The following SORCS3 variants were observed in gnomAD, a reference collection of about 807,000 sequenced individuals.
SORCS3 encodes VPS10 domain-containing receptor SorCS3.
A neutral mutation model predicts 146.3 loss-of-function variants in SORCS3; 57 were observed. That is an observed-to-expected ratio of 0.39 (90% CI 0.31 to 0.49). SORCS3 has a LOEUF of 0.49. SORCS3 is among the 20% of genes least tolerant of loss of function. The pLI is 0.92. For synonymous variants in SORCS3, 653 were observed against 618.5 expected (o/e 1.06, Z -0.83); for missense variants, 1,341 against 1,575.5 (o/e 0.85, Z 2.52).
intron 16 of SORCS3, among the ~76,000 whole-genome samples, chr10:105,208,289 T>C (rs560624551): frequency 1.3e-5 from 2 of 151,350 alleles, no homozygotes; most frequent in African/African-American, 4.9e-5. Flanking sequence ...TTCAGTGATC[T>C]GAGATCGCGT....
chr10:104,854,682 A>T (rs1310600342), intron 2 of SORCS3, among the ~76,000 whole-genome samples: 1 of 152,074 alleles, frequency 6.6e-6, no homozygotes, highest in Non-Finnish European at 1.5e-5. Flanking sequence ...GGAATCTCTC[A>T]TCTTGCCATT....
At chr10:105,173,363 C>A (rs1327663343) in intron 13 of SORCS3, among the ~76,000 whole-genome samples, 3 of 152,018 alleles carry the variant, frequency 2.0e-5, no homozygotes, top group African/African-American at 7.2e-5. Flanking sequence ...AAAACTGCTT[C>A]TTCTGTTCTT....
At chr10:104,702,545 T>G (rs991248129) in intron 1 of SORCS3, among the ~76,000 whole-genome samples, 2 of 152,164 alleles carry the variant, frequency 1.3e-5, no homozygotes, top group Admixed American at 1.3e-4. Context: ...GCCTTGGCCT[T>G]CCAAAGTGCT....
intron 15 of SORCS3, 76 bp downstream of exon 15, chr10:105,200,192 G>A: frequency 8.7e-7 from 1 of 1,151,118 alleles, no homozygotes; most frequent in African/African-American, 1.5e-5. Context: ...TCTTATCTGA[G>A]CCTTCCTATT....
At chr10:105,145,461 G>C (rs2056124320) in intron 8 of SORCS3, among the ~76,000 whole-genome samples, 1 of 152,032 alleles carries the variant, frequency 6.6e-6, no homozygotes, top group Non-Finnish European at 1.5e-5. Flanking sequence ...CCATGCCCTG[G>C]TGTTTTAAGT....
At chr10:104,802,850 C>T (rs1226950344) in intron 1 of SORCS3, among the ~76,000 whole-genome samples, 1 of 152,188 alleles carries the variant, frequency 6.6e-6, no homozygotes, top group African/African-American at 2.4e-5. Context: ...TCCTATGGCC[C>T]TGATTAGTTT....
chr10:104,726,933 T>C (rs571803572), intron 1 of SORCS3, among the ~76,000 whole-genome samples: 42 of 152,328 alleles, frequency 2.8e-4, no homozygotes, highest in African/African-American at 9.6e-4. Context: ...ATACCATCTC[T>C]AGTTATTGAC....
At chr10:104,935,436 A>T (rs2019250519) in intron 3 of SORCS3, among the ~76,000 whole-genome samples, 1 of 152,212 alleles carries the variant, frequency 6.6e-6, no homozygotes, top group Non-Finnish European at 1.5e-5. Context: ...ATGTTTAAAT[A>T]CATCTAGGGT....
At chr10:104,754,499 C>T (rs1391023091) in intron 1 of SORCS3, among the ~76,000 whole-genome samples, 1 of 152,112 alleles carries the variant, frequency 6.6e-6, no homozygotes, top group Admixed American at 6.6e-5. Flanking sequence ...AGATGTTAGA[C>T]ACAAAGTCCA....
intron 5 of SORCS3, among the ~76,000 whole-genome samples, chr10:105,045,021 GAAAAAAA>G (rs35904016): frequency 8.5e-6 from 1 of 118,012 alleles, no homozygotes; most frequent in Non-Finnish European, 1.7e-5. Flanking sequence ...TCCAGAATTC[GAAAAAAA>G]AAAAAAAAAA....
chr10:105,003,588 T>G (rs1344412937), intron 4 of SORCS3, among the ~76,000 whole-genome samples: 2 of 152,180 alleles, frequency 1.3e-5, no homozygotes, highest in Non-Finnish European at 2.9e-5. Flanking sequence ...TCACTTAGTG[T>G]CAGATAAATA....
intron 3 of SORCS3, among the ~76,000 whole-genome samples, chr10:104,965,860 G>A (rs564946279): frequency 1.3e-5 from 2 of 152,030 alleles, no homozygotes; most frequent in Admixed American, 1.3e-4. Flanking sequence ...TAAATCCTGA[G>A]GAACAAGTGT....
chr10:104,762,511 T>C (rs1402233817), intron 1 of SORCS3, among the ~76,000 whole-genome samples: 10 of 152,164 alleles, frequency 6.6e-5, no homozygotes, highest in Non-Finnish European at 1.2e-4. Context: ...TAAGCCTCAG[T>C]GTTGCTTAAC....
intron 2 of SORCS3, among the ~76,000 whole-genome samples, chr10:104,902,931 G>C (rs1419656193): frequency 6.6e-6 from 1 of 152,178 alleles, no homozygotes; most frequent in African/African-American, 2.4e-5. Flanking sequence ...TTTTATACTT[G>C]TATAGCTTTC....
chr10:105,202,932 G>A (rs2056582927), intron 16 of SORCS3, among the ~76,000 whole-genome samples: 1 of 152,132 alleles, frequency 6.6e-6, no homozygotes, highest in Non-Finnish European at 1.5e-5. Flanking sequence ...ACTTGGGAGG[G>A]GCAGGGCAAT....
At chr10:105,003,843 G>A (rs1345981092) in intron 4 of SORCS3, among the ~76,000 whole-genome samples, 3 of 152,052 alleles carry the variant, frequency 2.0e-5, no homozygotes, top group Non-Finnish European at 4.4e-5. Context: ...CAGCACACAA[G>A]GTGTTATCTC....
chr10:105,046,858 G>A (rs1044546481), intron 5 of SORCS3, among the ~76,000 whole-genome samples: 5 of 152,118 alleles, frequency 3.3e-5, no homozygotes, highest in Middle Eastern at 3.4e-3. Flanking sequence ...CTGGTCACCA[G>A]GTAATCACCA....
intron 1 of SORCS3, among the ~76,000 whole-genome samples, chr10:104,698,826 A>C (rs1355356157): frequency 6.6e-6 from 1 of 151,948 alleles, no homozygotes; most frequent in African/African-American, 2.4e-5. Flanking sequence ...AGCTATGAAA[A>C]CCTTTATTTC....
chr10:105,254,420 C>A (rs747233187), intron 23 of SORCS3, among the ~76,000 whole-genome samples: 5 of 152,166 alleles, frequency 3.3e-5, no homozygotes, highest in Admixed American at 6.5e-5. Context: ...AGCTCTAATT[C>A]ACCAGTGACT....
Sources: allele counts gnomAD v4.1 joint callset (sites outside exome capture counted in the v4.1 genomes callset), GRCh38; gene constraint gnomAD v4.1.1; transcripts MANE v1.5; gene names NCBI Gene and HGNC (gene_info 2026-07-23, HGNC 2026-07-21).